Variants in ADGRE3 observed in about 807,000 individuals in gnomAD.
ADGRE3 encodes the protein adhesion G protein-coupled receptor E3, also known as EGF-like module receptor 3.
Under a neutral mutation model 80.1 loss-of-function variants are expected in ADGRE3, and 88 were observed. The ratio of observed to expected loss-of-function variants is 1.10; its 90% confidence interval spans 0.93 to 1.31. The LOEUF (loss-of-function observed/expected upper bound fraction) is 1.31. Ranked by LOEUF, ADGRE3 falls within the 40% of genes most tolerant of loss-of-function variation. The pLI is 0.00. For missense variants in ADGRE3, 715 were observed against 776.5 expected, an observed-to-expected ratio of 0.92 and a Z score of 0.94; for synonymous variants, 281 against 294.8, an observed-to-expected ratio of 0.95 and a Z score of 0.48.
In ADGRE3 at chr19:14,630,183, A is replaced by T; in HGVS notation, c.1668T>A (p.Ala556=). The change falls in exon 14 of 16, where the codon GCT becomes GCA. Residue 556 remains alanine, a synonymous_variant. Coordinates refer to ENST00000253673, the MANE Select transcript of ADGRE3 (RefSeq NM_032571.5). The part of the protein sequence containing the change: ...NTRMLAFKAT[A]QLFILGCTWC... ...ATGTGCAGCCCAGGATGAAGAGCTGAGCTGTTGCTTTGAAAGCCAGCATCC... is the reference window on the plus strand; with the variant it reads ...ATGTGCAGCCCAGGATGAAGAGCTGTGCTGTTGCTTTGAAAGCCAGCATCC... The T allele has an allele frequency of 6.2e-7, 1 of 1,604,646 alleles. No homozygotes were observed. The highest frequency in any genetic ancestry group is 8.5e-7 in the Non-Finnish European group (1 of 1,175,154).
intron 5 of ADGRE3, among the ~76,000 whole-genome samples, chr19:14,655,370 AG>A (rs1971724946): frequency 6.6e-6 from 1 of 152,114 alleles, no homozygotes; most frequent in Admixed American, 6.6e-5. Context: ...AGGAACTCAA[AG>A]GGTTTTTCTG....
downstream of ADGRE3, among the ~76,000 whole-genome samples, chr19:14,617,341 C>CCTTTCTTT (rs1555752261): frequency 8.3e-3 from 476 of 57,256 alleles, 5 homozygotes; most frequent in South Asian, 0.025. Flanking sequence ...TCCCTCCCTC[C>CCTTTCTTT]CTTTCTTTCT....
chr19:14,623,751 TAAATTTCCCCC>T (rs940537125), intron 15 of ADGRE3, among the ~76,000 whole-genome samples: 1 of 152,186 alleles, frequency 6.6e-6, no homozygotes, highest in Non-Finnish European at 1.5e-5. Flanking sequence ...CCTACACTTG[TAAATTTCCCCC>T]AGTGAGAGTC....
chr19:14,661,774 T>A (rs1971950013), intron 4 of ADGRE3, among the ~76,000 whole-genome samples, 189 bp downstream of exon 4: 1 of 152,048 alleles, frequency 6.6e-6, no homozygotes, highest in African/African-American at 2.4e-5. Context: ...GTGGTGCACG[T>A]CTGTAATCTC....
intron 14 of ADGRE3, among the ~76,000 whole-genome samples, 190 bp downstream of exon 14, chr19:14,629,849 G>GAAATGTGTT (rs1970830068): frequency 6.6e-6 from 1 of 152,112 alleles, no homozygotes; most frequent in Non-Finnish European, 1.5e-5. Flanking sequence ...TTTATATTCT[G>GAAATGTGTT]AAATGTGTTA....
intron 1 of ADGRE3, among the ~76,000 whole-genome samples, chr19:14,673,250 G>A (rs1972304906): frequency 6.6e-6 from 1 of 152,226 alleles, no homozygotes; most frequent in African/African-American, 2.4e-5. Flanking sequence ...GAAATTCACA[G>A]AACCTCTCTA....
intron 7 of ADGRE3, among the ~76,000 whole-genome samples, chr19:14,650,528 C>T (rs952004476): frequency 6.6e-6 from 1 of 151,760 alleles, no homozygotes; most frequent in African/African-American, 2.4e-5. Flanking sequence ...CCATGTCTCT[C>T]TTTCCACCTC....
chr19:14,616,056 C>T (rs111728596), downstream of ADGRE3, among the ~76,000 whole-genome samples: 2,067 of 151,884 alleles, frequency 0.014, 47 homozygotes, highest in African/African-American at 0.046. Context: ...CTCAGCCTCC[C>T]GAGTAGCTGG....
chr19:14,650,949 TAAAG>T, intron 7 of ADGRE3, 132 bp downstream of exon 7: 1 of 914,452 alleles, frequency 1.1e-6, no homozygotes, highest in Non-Finnish European at 1.6e-6. Flanking sequence ...TTTTTTTTTT[TAAAG>T]GGAAAATCTC....
chr19:14,650,012 C>G (rs1971540739), intron 7 of ADGRE3, among the ~76,000 whole-genome samples: 1 of 149,152 alleles, frequency 6.7e-6, no homozygotes, highest in South Asian at 2.2e-4. Context: ...CCCTCCCCAT[C>G]TCTCTCTTTC....
chr19:14,644,032 T>C, intron 9 of ADGRE3, 76 bp downstream of exon 9: 1 of 1,012,050 alleles, frequency 9.9e-7, no homozygotes, highest in Non-Finnish European at 1.3e-6. Flanking sequence ...TTTTTTTTTT[T>C]TTTTAATAGC....
At chr19:14,616,472 C>T (rs763044944), downstream of ADGRE3, among the ~76,000 whole-genome samples, 1 of 151,856 alleles carries the variant, frequency 6.6e-6, no homozygotes, top group Non-Finnish European at 1.5e-5. Context: ...GATTGTGGGA[C>T]TTTTGGTACT....
At chr19:14,657,112 G>C (rs1971789583) in intron 5 of ADGRE3, among the ~76,000 whole-genome samples, 1 of 152,082 alleles carries the variant, frequency 6.6e-6, no homozygotes, top group Non-Finnish European at 1.5e-5. Context: ...GGCCAGGCTG[G>C]TCTTGAACTT....
At chr19:14,627,715 T>A (rs995227357) in intron 14 of ADGRE3, among the ~76,000 whole-genome samples, 2 of 152,108 alleles carry the variant, frequency 1.3e-5, no homozygotes, top group African/African-American at 2.4e-5. Context: ...GTCCAGATTA[T>A]CCCTGAGCAC....
At chr19:14,639,489 C>T (rs1008246946) in intron 10 of ADGRE3, among the ~76,000 whole-genome samples, 2 of 151,892 alleles carry the variant, frequency 1.3e-5, no homozygotes, top group Non-Finnish European at 1.5e-5. Context: ...ACTGCAGCCT[C>T]GAACTCCTGG....
chr19:14,607,053 GC>G, the ADGRE3 span: 4 of 1,356,328 alleles, frequency 2.9e-6, no homozygotes, highest in African/African-American at 1.5e-5. Flanking sequence ...GAATGACAGG[GC>G]CCAGGAAGGG....
chr19:14,620,379 T>G lies in ADGRE3; in HGVS notation c.1921-908A>C, dbSNP rs191735385. 2.3e-3 allele frequency among the ~76,000 whole-genome samples: 339 copies of G among 149,206 alleles called. 1 individual carries two copies. Among genetic ancestry groups the G allele is most frequent in the African/African-American group, 8.2e-3 (330 of 40,440 alleles). On this transcript the variant is annotated intron_variant, in intron 15 of 15. Coordinates refer to ENST00000253673, the MANE Select transcript of ADGRE3 (RefSeq NM_032571.5). ...AGCTAATGTATTTCTTAAAGAGAGA[T>G]TCATATATACATGTATATATGAATA...
chr19:14,647,073 C>T, intron 8 of ADGRE3, 108 bp downstream of exon 8: 1 of 808,894 alleles, frequency 1.2e-6, no homozygotes, highest in South Asian at 1.8e-5. Flanking sequence ...GTGCTCCTGA[C>T]TACGACCCTG....
intron 8 of ADGRE3, among the ~76,000 whole-genome samples, chr19:14,645,503 A>G (rs926033276): frequency 2.0e-5 from 3 of 152,182 alleles, no homozygotes; most frequent in African/African-American, 7.2e-5. Context: ...TACTAAAAAT[A>G]CAAAAATGAG....
Sources: allele counts gnomAD v4.1 joint callset (sites outside exome capture counted in the v4.1 genomes callset), GRCh38; gene constraint gnomAD v4.1.1; transcripts MANE v1.5; gene names NCBI Gene and HGNC (gene_info 2026-07-23, HGNC 2026-07-21).